The following ANKFY1 variants were observed in gnomAD, a reference collection of about 807,000 sequenced individuals.
The protein encoded by ANKFY1 is ankyrin repeat and FYVE domain-containing protein 1.
Under a neutral mutation model 128.3 loss-of-function variants are expected in ANKFY1, and 47 were observed. The ratio of observed to expected loss-of-function variants is 0.37; its 90% CI spans 0.29 to 0.47. ANKFY1 has a LOEUF of 0.47. ANKFY1 is among the 20% of genes least tolerant of loss of function. The pLI, the probability that ANKFY1 is intolerant of heterozygous loss-of-function variation, is 1.00. For missense variants in ANKFY1, 1,222 were observed against 1,510.6 expected, an observed-to-expected ratio of 0.81 and a Z score of 3.17; for synonymous variants, 553 against 601.6, an observed-to-expected ratio of 0.92 and a Z score of 1.18.
At chr17:4,252,579 G>C (rs1967899281) in intron 1 of ANKFY1, among the ~76,000 whole-genome samples, 1 of 151,902 alleles carries the variant, frequency 6.6e-6, no homozygotes, top group African/African-American at 2.4e-5. Context: ...AAAAAAATTG[G>C]AGAACTAGAA....
rs1409091989 is a variant in ANKFY1, at chr17:4,166,777, G to A, written c.*1002C>T. The A allele has an allele frequency of 6.6e-6, 1 of 152,244 alleles. No homozygotes were observed. The highest frequency in any genetic ancestry group is 1.5e-5 in the Non-Finnish European group (1 of 68,048). 9.4% of individuals were successfully genotyped at this position (152,244 alleles called of 1,614,324 possible). ...TGAGGCTGGAGATGCCCTTGGGGCT[G>A]AAGCCTTGGTGACTCCCCCTCTCAT... On this transcript the variant is annotated 3_prime_UTR_variant, in exon 25 of 25. Transcript: ENST00000341657.
At position 4,173,376 on chromosome 17, in the gene ANKFY1, C is replaced by T; in HGVS notation, c.2992G>A (p.Asp998Asn). 6.2e-7 allele frequency: 1 copy of T among 1,614,202 alleles called. No individual in the cohort carries two copies. Reference sequence around the variant, plus strand: ...CACCTGAGATTAAAGGCTTCGGCGTCCACTGTGCACTCTGTCAGGAGAACC... The same window carrying T: ...CACCTGAGATTAAAGGCTTCGGCGTTCACTGTGCACTCTGTCAGGAGAACC... ...IRVLLTECTV[D>N]AEAFNLRGQS... Residue 998 changes from aspartate (D) to asparagine (N), a missense_variant, in exon 21 of 25, where the codon GAC becomes AAC. Asp to Asn is a conservative substitution (Grantham distance 23). Transcript: ENST00000341657.
intron 8 of ANKFY1, among the ~76,000 whole-genome samples, chr17:4,195,834 C>T (rs957980083): frequency 2.0e-5 from 3 of 152,016 alleles, no homozygotes; most frequent in Admixed American, 2.0e-4. Context: ...AAACTCTCCC[C>T]CATAATCTTC....
In ANKFY1 at chr17:4,177,399, T is replaced by C. The variant is rs116417047; in HGVS notation, c.2599-97A>G. On this transcript the variant is annotated intron_variant, in intron 18 of 24. Transcript: ENST00000341657. ...GAACTGACCACTGGAGAGGTCACGA[T>C]GGAGACCTTCCCTCAGTCTTAGGAA... The C allele has an allele frequency of 2.0e-4, 218 of 1,117,462 alleles. 1 individual carries two copies. In the African/African-American group the frequency reaches 3.1e-3, roughly 16 times the overall value. 69.2% of individuals were successfully genotyped at this position (1,117,462 alleles called of 1,614,324 possible).
At chr17:4,180,015 G>T in intron 16 of ANKFY1, 138 bp from the exon 17 acceptor site, 1 of 1,087,458 alleles carries the variant, frequency 9.2e-7, no homozygotes, top group Non-Finnish European at 1.3e-6. Flanking sequence ...TTGGTCCCTG[G>T]CCTCAAATAC....
At chr17:4,250,835 A>G (rs1367625280) in intron 1 of ANKFY1, among the ~76,000 whole-genome samples, 3 of 152,138 alleles carry the variant, frequency 2.0e-5, no homozygotes, top group Non-Finnish European at 2.9e-5. Context: ...GGGTCTCAGT[A>G]TGGCGCCCAA....
intron 4 of ANKFY1, 173 bp downstream of exon 4, chr17:4,216,810 G>A (rs1249775701): frequency 1.2e-6 from 1 of 834,874 alleles, no homozygotes; most frequent in South Asian, 1.5e-5. Context: ...GCAAAATTTA[G>A]CTACAAGATA....
rs149715999 is a variant in ANKFY1, at chr17:4,216,294, C to T, written c.458+689G>A. On this transcript the variant is annotated intron_variant, in intron 4 of 24. Coordinates refer to ENST00000341657, the MANE Select transcript of ANKFY1 (RefSeq NM_001330063.2). ...ATTACTTTATGCACCCAAGGGAATA[C>T]AAAGATCACTAAATGCTGTAAAAAG... 3.6e-3 allele frequency among the ~76,000 whole-genome samples: 549 copies of T among 152,286 alleles called. 1 individual carries two copies. Among genetic ancestry groups the T allele is most frequent in the Non-Finnish European group, 6.4e-3 (436 of 68,024 alleles).
In ANKFY1 at chr17:4,178,754, G is replaced by T. The variant is rs2059453880; in HGVS notation, c.2598+103C>A. On this transcript the variant is annotated intron_variant, in intron 18 of 24. Transcript: ENST00000341657. This position sits in a 1 kb window ranked among gnomAD's most constrained non-coding sequence, Gnocchi z 4.1. ...GACAGGAGTACAACTTCAAAACAAA[G>T]CTCTTTCCATGAGGAGACCTGTTTA... is the stretch of plus-strand genomic sequence containing the variant. The T allele has an allele frequency of 3.5e-6, 4 of 1,151,408 alleles. No homozygotes were observed. The highest frequency in any genetic ancestry group is 5.1e-6 in the Non-Finnish European group (4 of 788,580). The allele number at this position is 1,151,408 out of a possible 1,614,324, so 71.3% of individuals were successfully genotyped here.
chr17:4,226,139 TA>T (rs1280284292), intron 3 of ANKFY1, among the ~76,000 whole-genome samples: 1 of 152,180 alleles, frequency 6.6e-6, no homozygotes, highest in Admixed American at 6.5e-5. Flanking sequence ...TAATAGAGGC[TA>T]AAAATTATAT....
intron 3 of ANKFY1, chr17:4,223,531 A>G: frequency 8.4e-7 from 1 of 1,190,418 alleles, no homozygotes; most frequent in East Asian, 2.3e-5. Context: ...AGTTTGTTGG[A>G]TGGCTCTTGA....
At chr17:4,173,269 T>C in intron 21 of ANKFY1, 85 bp downstream of exon 21, 1 of 1,349,664 alleles carries the variant, frequency 7.4e-7, no homozygotes, top group Non-Finnish European at 1.1e-6. Flanking sequence ...AGCTCCTCCC[T>C]GGGGCTGATG....
intron 10 of ANKFY1, among the ~76,000 whole-genome samples, chr17:4,189,972 CA>C (rs2059688690): frequency 6.6e-6 from 1 of 152,234 alleles, no homozygotes; most frequent in South Asian, 2.1e-4. Context: ...TCCCGCTAGC[CA>C]CTGCCCAGGA....
Position 4,245,761 on chromosome 17 carries a change from A to AAAAAC in ANKFY1, c.11-3314_11-3313insGTTTT, listed in dbSNP as rs758076180. Among the ~76,000 whole-genome samples, 7 of 140,528 alleles carry AAAAAC rather than the reference A, an allele frequency of 5.0e-5. 1 individual carries two copies. The highest frequency in any genetic ancestry group is 7.9e-5 in the African/African-American group (3 of 37,854). The allele number at this position is 140,528 out of a possible 152,430, so 92.2% of individuals were successfully genotyped here. ...CTGTCTCAAAAAAAAAAAAAAAAAA[A>AAAAAC]CAACCAGCCAGGTCTGGTGGCTCAT... On this transcript the variant is annotated intron_variant, in intron 1 of 24. Transcript: ENST00000341657.
intron 3 of ANKFY1, among the ~76,000 whole-genome samples, chr17:4,225,165 G>A (rs9900733): frequency 2.0e-5 from 3 of 151,956 alleles, no homozygotes; most frequent in African/African-American, 7.3e-5. Flanking sequence ...AAACCAGCCT[G>A]GCCAATTATG....
At position 4,197,560 on chromosome 17, in the gene ANKFY1, T is replaced by C. The variant is rs2059848355; in HGVS notation, c.916A>G (p.Thr306Ala). The C allele has an allele frequency of 1.2e-6, 2 of 1,614,146 alleles. No homozygotes were observed. The highest frequency in any genetic ancestry group is 2.2e-5 in the South Asian group (2 of 91,070). ...AAGGCCCCATTCTTAATGAGGAAAGTGGCAGCAAAGAGATCTCCTTGAAAA... is the reference window on the plus strand; with the variant it reads ...AAGGCCCCATTCTTAATGAGGAAAGCGGCAGCAAAGAGATCTCCTTGAAAA... ...GIQRGDLFAATFLIKNGAFVN... is the reference protein window; with the variant it reads ...GIQRGDLFAAAFLIKNGAFVN... Residue 306 changes from threonine to alanine, a missense_variant, in exon 8 of 25, where the codon ACT (threonine) becomes GCT (alanine). Thr to Ala is a moderately conservative substitution (Grantham distance 58, BLOSUM62 0). Coordinates refer to ENST00000341657, the MANE Select transcript of ANKFY1 (RefSeq NM_001330063.2).
At chr17:4,248,173 G>A (rs772255880) in intron 1 of ANKFY1, among the ~76,000 whole-genome samples, 4 of 152,210 alleles carry the variant, frequency 2.6e-5, no homozygotes, top group Non-Finnish European at 4.4e-5. Flanking sequence ...CCTCCAGGCC[G>A]TGGACGGGTA....
At chr17:4,197,302 C>T in intron 8 of ANKFY1, 71 bp downstream of exon 8, 1 of 1,511,104 alleles carries the variant, frequency 6.6e-7, no homozygotes, top group Non-Finnish European at 9.2e-7. Context: ...TCCCCGTATG[C>T]CAATTACATG....
chr17:4,263,064 G>T (rs1968507583), intron 1 of ANKFY1, among the ~76,000 whole-genome samples: 1 of 152,146 alleles, frequency 6.6e-6, no homozygotes, highest in Non-Finnish European at 1.5e-5. Flanking sequence ...AGGAGAACCA[G>T]GCTGCCCAGA....
Sources: allele counts gnomAD v4.1 joint callset (sites outside exome capture counted in the v4.1 genomes callset), GRCh38; gene constraint gnomAD v4.1.1; non-coding constraint Gnocchi (gnomAD v3.1); transcripts MANE v1.5; gene names NCBI Gene and HGNC (gene_info 2026-07-23, HGNC 2026-07-21).